The following CLSTN2 variants were observed in gnomAD, a reference collection of about 807,000 sequenced individuals.
CLSTN2 encodes the protein calsyntenin-2.
A neutral mutation model predicts 101.2 loss-of-function variants in CLSTN2; 48 were observed. The ratio of observed to expected loss-of-function variants is 0.47; its 90% CI spans 0.38 to 0.60. CLSTN2 has a LOEUF of 0.60. Among genes scored for constraint, CLSTN2 ranks in the 20% least tolerant of loss-of-function variants. The pLI, the probability that CLSTN2 is intolerant of heterozygous loss-of-function variation, is 0.00. For synonymous variants in CLSTN2, 481 were observed against 463.6 expected (o/e 1.04, Z -0.48); for missense variants, 1,160 against 1,238.2 (o/e 0.94, Z 0.95).
intron 2 of CLSTN2, among the ~76,000 whole-genome samples, chr3:140,362,665 G>A (rs757761644): frequency 2.6e-5 from 4 of 152,066 alleles, no homozygotes; most frequent in Non-Finnish European, 5.9e-5. Flanking sequence ...GTTTGAATAG[G>A]CATTTCATTA....
intron 8 of CLSTN2, among the ~76,000 whole-genome samples, chr3:140,491,300 A>G (rs1387625212): frequency 6.6e-6 from 1 of 152,210 alleles, no homozygotes; most frequent in Non-Finnish European, 1.5e-5. Flanking sequence ...TGCTGGTGGT[A>G]AGGTAATCTA....
At chr3:140,219,504 G>GT (rs1191867930) in intron 2 of CLSTN2, among the ~76,000 whole-genome samples, 1 of 152,170 alleles carries the variant, frequency 6.6e-6, no homozygotes, top group African/African-American at 2.4e-5. Context: ...GAGCGATCTT[G>GT]TTTCCGGAGT....
At chr3:140,297,910 A>G (rs138913119) in intron 2 of CLSTN2, among the ~76,000 whole-genome samples, 4 of 152,382 alleles carry the variant, frequency 2.6e-5, no homozygotes, top group East Asian at 1.9e-4. Context: ...TAGAAAATAC[A>G]TTTACCACTT....
chr3:139,949,651 T>G (rs915640512), intron 1 of CLSTN2, among the ~76,000 whole-genome samples: 1 of 152,340 alleles, frequency 6.6e-6, no homozygotes, highest in East Asian at 1.9e-4. Flanking sequence ...TAATGTAAAT[T>G]ACCTTTGCTA....
chr3:140,244,347 C>T (rs2086496319), intron 2 of CLSTN2, among the ~76,000 whole-genome samples: 1 of 152,206 alleles, frequency 6.6e-6, no homozygotes, highest in South Asian at 2.1e-4. Context: ...AAACTGACAT[C>T]ACTGCCTTTC....
At chr3:139,953,825 A>G (rs1935336735) in intron 1 of CLSTN2, among the ~76,000 whole-genome samples, 1 of 151,302 alleles carries the variant, frequency 6.6e-6, no homozygotes, top group Non-Finnish European at 1.5e-5. Context: ...TCCTGAGACC[A>G]CCTCCTACAC....
chr3:140,550,702 CCAT>C (rs1158732670), intron 10 of CLSTN2, among the ~76,000 whole-genome samples: 8 of 151,226 alleles, frequency 5.3e-5, no homozygotes, highest in Admixed American at 3.9e-4. Context: ...AATTAAAGAA[CCAT>C]AGCAATTTCT....
At chr3:140,194,994 G>T (rs2010624110) in intron 2 of CLSTN2, among the ~76,000 whole-genome samples, 1 of 152,164 alleles carries the variant, frequency 6.6e-6, no homozygotes. Flanking sequence ...CTACGGGAGG[G>T]TCCTCATTGC....
chr3:140,021,475 C>T (rs2107755836), intron 1 of CLSTN2, among the ~76,000 whole-genome samples: 1 of 152,292 alleles, frequency 6.6e-6, no homozygotes, highest in South Asian at 2.1e-4. Context: ...TCCCAGACAC[C>T]AGCAAGCCCT....
intron 2 of CLSTN2, among the ~76,000 whole-genome samples, chr3:140,176,613 T>C (rs527726765): frequency 4.2e-4 from 64 of 152,338 alleles, no homozygotes; most frequent in African/African-American, 1.5e-3. Context: ...AGAGAGCCTC[T>C]CACTATCATC....
chr3:140,176,192 C>T, intron 2 of CLSTN2, 119 bp downstream of exon 2: 1 of 1,110,586 alleles, frequency 9.0e-7, no homozygotes, highest in Non-Finnish European at 1.3e-6. Context: ...ATCTCTAGAT[C>T]AGCCTGTGAT....
chr3:140,464,292 T>C (rs1933634106), intron 7 of CLSTN2, among the ~76,000 whole-genome samples: 1 of 152,302 alleles, frequency 6.6e-6, no homozygotes, highest in South Asian at 2.1e-4. Context: ...GGGTAAAGAC[T>C]GAGTGGAGAA....
At chr3:140,480,857 A>G (rs1017372227) in intron 8 of CLSTN2, among the ~76,000 whole-genome samples, 2 of 152,098 alleles carry the variant, frequency 1.3e-5, no homozygotes, top group Non-Finnish European at 2.9e-5. Context: ...CCCTTTGTCC[A>G]ATGAGTAGAT....
intron 5 of CLSTN2, among the ~76,000 whole-genome samples, chr3:140,446,762 A>G (rs929020539): frequency 4.6e-5 from 7 of 152,206 alleles, no homozygotes; most frequent in African/African-American, 7.2e-5. Flanking sequence ...GCTTCCCCCA[A>G]TGCATTTGTC....
intron 2 of CLSTN2, among the ~76,000 whole-genome samples, chr3:140,251,639 T>TTTCCTTTCCTTTCCTTTC (rs397760342): frequency 6.7e-6 from 1 of 149,344 alleles, no homozygotes; most frequent in African/African-American, 2.5e-5. Flanking sequence ...TTTCCTTTCC[T>TTTCCTTTCCTTTCCTTTC]CTTTTTGCTT....
chr3:139,986,872 T>C (rs559234195), intron 1 of CLSTN2, among the ~76,000 whole-genome samples: 108 of 152,300 alleles, frequency 7.1e-4, no homozygotes, highest in Non-Finnish European at 7.4e-4. Flanking sequence ...CTATGGGCTG[T>C]ATTTGAAAGG....
chr3:140,394,137 A>G (rs1179816515), intron 2 of CLSTN2, among the ~76,000 whole-genome samples: 2 of 152,196 alleles, frequency 1.3e-5, no homozygotes, highest in Non-Finnish European at 2.9e-5. Flanking sequence ...GCTTTTTATA[A>G]GTCATTCAAC....
rs539556803 is a variant in CLSTN2, at chr3:140,445,233, G to A, written c.788-3286G>A. Among the ~76,000 whole-genome samples the A allele has an allele frequency of 3.3e-5, 5 of 152,230 alleles. No individual in the cohort carries two copies. The South Asian group carries it at 8.3e-4, about 25-fold the overall frequency. On this transcript the variant is annotated intron_variant, in intron 5 of 16. Transcript: ENST00000458420. ...GAGGATGAAGACCCTACAGGATTGT[G>A]CTTCCTGGCTTTTCCCTTCACGATT...
intron 1 of CLSTN2, among the ~76,000 whole-genome samples, chr3:139,957,914 C>T (rs560424606): frequency 2.0e-4 from 31 of 152,294 alleles, no homozygotes; most frequent in Admixed American, 5.2e-4. Context: ...AATCGCCGGG[C>T]GATCCCCTGT....
Sources: gnomAD v4.1 joint callset for allele counts (sites outside exome capture counted in the v4.1 genomes callset) on GRCh38, gnomAD v4.1.1 for gene constraint, MANE v1.5 for transcripts, NCBI Gene and HGNC (gene_info 2026-07-23, HGNC 2026-07-21) for gene names.